RFX8: variants seen among roughly 807,000 people sequenced by gnomAD.
The protein encoded by RFX8 is DNA-binding protein RFX8.
A neutral mutation model predicts 54.6 loss-of-function variants in RFX8; 46 were observed. The ratio of observed to expected loss-of-function variants is 0.84; its 90% confidence interval spans 0.67 to 1.08. The LOEUF (loss-of-function observed/expected upper bound fraction) is 1.08, where lower values mean the gene tolerates loss of function less well. Ranked by LOEUF, RFX8 falls within the 50% of genes least tolerant of loss-of-function variation. The pLI, the probability that RFX8 is intolerant of heterozygous loss-of-function variation, is 0.00. For missense variants in RFX8, 536 were observed against 562.3 expected, an observed-to-expected ratio of 0.95 and a Z score of 0.47; for synonymous variants, 192 against 209.5, an observed-to-expected ratio of 0.92 and a Z score of 0.72.
At chr2:101,408,856 CTCTT>C (rs1685917013) in intron 9 of RFX8, among the ~76,000 whole-genome samples, 1 of 152,190 alleles carries the variant, frequency 6.6e-6, no homozygotes, top group Non-Finnish European at 1.5e-5. Flanking sequence ...ATTATTTCTC[CTCTT>C]TCTTCTCAAC....
At chr2:101,443,500 C>T (rs1248923570) in intron 2 of RFX8, among the ~76,000 whole-genome samples, 1 of 152,118 alleles carries the variant, frequency 6.6e-6, no homozygotes, top group Non-Finnish European at 1.5e-5. Context: ...AAATCATGTA[C>T]AGGGAACAAG....
chr2:101,449,860 G>T (rs576609964), intron 2 of RFX8, among the ~76,000 whole-genome samples: 50 of 152,202 alleles, frequency 3.3e-4, no homozygotes, highest in African/African-American at 1.2e-3. Flanking sequence ...AATGGAGAAG[G>T]GAAAGAGCAG....
chr2:101,417,736 C>A, intron 5 of RFX8, 52 bp from the exon 6 acceptor site: 1 of 1,469,420 alleles, frequency 6.8e-7, no homozygotes, highest in Admixed American at 2.2e-5. Flanking sequence ...GCAGGTGTGG[C>A]TGAAGCTTAT....
At chr2:101,413,176 C>T (rs904870234) in intron 7 of RFX8, 105 bp from the exon 8 acceptor site, 3 of 842,412 alleles carry the variant, frequency 3.6e-6, no homozygotes, top group South Asian at 3.1e-5. Context: ...GAGAAAGAAA[C>T]ATTGATGTGG....
Position 101,397,647 on chromosome 2 carries a change from G to A in RFX8, c.1323C>T (p.Leu441=), listed in dbSNP as rs1685202797. The change falls in exon 12 of 12, where the codon CTC becomes CTT. Residue 441 remains leucine (L), a synonymous_variant. Coordinates refer to ENST00000428343, the MANE Select transcript of RFX8 (RefSeq NM_001145664.2). ...KLSLPMGQEA[L]ITLKDGQQFV... is the part of the protein sequence containing the mutation. Reference sequence around the variant, plus strand: ...ATTGTTGTCCATCTTTTAGGGTTATGAGGGCTTCTTGTCCCATAGGAAGGC... The same window carrying A: ...ATTGTTGTCCATCTTTTAGGGTTATAAGGGCTTCTTGTCCCATAGGAAGGC... The A allele has an allele frequency of 1.9e-6, 3 of 1,551,492 alleles. No homozygotes were observed. The highest frequency in any genetic ancestry group is 2.4e-5 in the South Asian group (2 of 84,040).
intron 9 of RFX8, among the ~76,000 whole-genome samples, chr2:101,408,264 T>A (rs1187148791): frequency 6.6e-6 from 1 of 151,890 alleles, no homozygotes; most frequent in East Asian, 1.9e-4. Flanking sequence ...GGCGGGCGGA[T>A]CACGAGGTCA....
chr2:101,455,732 G>T (rs1404912244), intron 2 of RFX8, among the ~76,000 whole-genome samples: 2 of 152,204 alleles, frequency 1.3e-5, no homozygotes, highest in African/African-American at 4.8e-5. Flanking sequence ...CTTTAAAGTA[G>T]TTTTTTCCAA....
chr2:101,410,059 A>G (rs1287592527), intron 9 of RFX8, among the ~76,000 whole-genome samples: 4 of 152,120 alleles, frequency 2.6e-5, no homozygotes, highest in African/African-American at 7.2e-5. Context: ...CATGTCTGCA[A>G]AACATGGGCT....
At chr2:101,400,484 C>G (rs1685364241) in intron 11 of RFX8, among the ~76,000 whole-genome samples, 1 of 152,126 alleles carries the variant, frequency 6.6e-6, no homozygotes, top group Non-Finnish European at 1.5e-5. Context: ...AAATTCCCAT[C>G]CATTGACCCC....
chr2:101,450,765 A>C, intron 2 of RFX8: 2 of 706,536 alleles, frequency 2.8e-6, no homozygotes, highest in Non-Finnish European at 4.8e-6. Flanking sequence ...ACTAATGAAG[A>C]CTTGGAGTTC....
At chr2:101,421,364 CG>C in intron 4 of RFX8, 2 of 1,005,386 alleles carry the variant, frequency 2.0e-6, no homozygotes, top group Non-Finnish European at 1.2e-6. Flanking sequence ...TCAGTTAGCG[CG>C]TATCAATCAA....
intron 2 of RFX8, among the ~76,000 whole-genome samples, chr2:101,440,107 T>TAA (rs112330593): frequency 0.75 from 112,601 of 150,058 alleles, 43,151 homozygotes; most frequent in Middle Eastern, 0.88. Context: ...TGCTGAGATT[T>TAA]TAAAAAAAAA....
At chr2:101,404,608 G>A (rs564370109) in intron 10 of RFX8, among the ~76,000 whole-genome samples, 4 of 147,498 alleles carry the variant, frequency 2.7e-5, no homozygotes, top group South Asian at 2.1e-4. Flanking sequence ...TTTTTTTTTC[G>A]TAGTGACAGG....
At position 101,412,962 on chromosome 2, in the gene RFX8, C is replaced by T; in HGVS notation, c.671G>A (p.Ser224Asn). 6.4e-7 allele frequency: 1 copy of T among 1,551,836 alleles called. No individual in the cohort carries two copies. Among genetic ancestry groups the T allele is most frequent in the Non-Finnish European group, 8.7e-7 (1 of 1,147,018 alleles). ...TLATSKKALA[S>N]DRSGADELEN... ...CAGTTCATCTGCGCCACTCCGGTCA[C>T]TTGCCAGGGCTTTCTTAGAAGTAGC... Residue 224 changes from serine (S) to asparagine (N), a missense_variant, in exon 8 of 12, where the codon AGT (serine) becomes AAT (asparagine). Physicochemically the swap from Ser to Asn is conservative, Grantham distance 46. Coordinates refer to ENST00000428343, the MANE Select transcript of RFX8 (RefSeq NM_001145664.2).
At chr2:101,419,714 A>C (rs1294249236) in intron 4 of RFX8, among the ~76,000 whole-genome samples, 1 of 152,200 alleles carries the variant, frequency 6.6e-6, no homozygotes, top group Non-Finnish European at 1.5e-5. Flanking sequence ...CGCTGGCCCC[A>C]TGCCTAGGTC....
At chr2:101,405,188 C>A (rs1479866874) in intron 10 of RFX8, among the ~76,000 whole-genome samples, 1 of 151,576 alleles carries the variant, frequency 6.6e-6, no homozygotes, top group Non-Finnish European at 1.5e-5. Context: ...TTCTTGTCAC[C>A]CAGGCTGGAG....
intron 4 of RFX8, among the ~76,000 whole-genome samples, chr2:101,420,340 G>A (rs1686793523): frequency 6.6e-6 from 1 of 152,070 alleles, no homozygotes; most frequent in Non-Finnish European, 1.5e-5. Flanking sequence ...TCAGGAGTTT[G>A]AGAACAGCCT....
chr2:101,446,001 C>T (rs892593445), intron 2 of RFX8, among the ~76,000 whole-genome samples: 10 of 152,136 alleles, frequency 6.6e-5, no homozygotes, highest in Non-Finnish European at 1.5e-4. Context: ...TTCATCAGTA[C>T]AGCTCATTAA....
chr2:101,432,586 G>A (rs1687548995), intron 2 of RFX8, among the ~76,000 whole-genome samples: 1 of 152,200 alleles, frequency 6.6e-6, no homozygotes, highest in African/African-American at 2.4e-5. Context: ...TCAGACAGAA[G>A]CCCTGAGTGC....
Sources: allele counts gnomAD v4.1 joint callset (sites outside exome capture counted in the v4.1 genomes callset), GRCh38; gene constraint gnomAD v4.1.1; transcripts MANE v1.5; gene names NCBI Gene and HGNC (gene_info 2026-07-23, HGNC 2026-07-21).